RALGDS: variants seen among roughly 807,000 people sequenced by gnomAD.
RALGDS encodes ral guanine nucleotide dissociation stimulator, also known as ral guanine nucleotide exchange factor.
A neutral mutation model predicts 99.8 loss-of-function variants in RALGDS; 44 were observed. The ratio of observed to expected loss-of-function variants is 0.44; its 90% CI spans 0.35 to 0.57. RALGDS has a LOEUF of 0.57. RALGDS is among the 20% of genes least tolerant of loss of function. The pLI is 0.01. For missense variants in RALGDS, 1,022 were observed against 1,203.1 expected (o/e 0.85, Z 2.23); for synonymous variants, 529 against 505.0 (o/e 1.05, Z -0.64).
intron 1 of RALGDS, among the ~76,000 whole-genome samples, chr9:133,146,971 G>C (rs1448593890): frequency 6.6e-6 from 1 of 152,220 alleles, no homozygotes. Context: ...TGAGACCTGG[G>C]GGCAGAGGCA....
chr9:133,119,451 G>A (rs1459783624), intron 1 of RALGDS, among the ~76,000 whole-genome samples: 2 of 152,162 alleles, frequency 1.3e-5, no homozygotes, highest in East Asian at 3.9e-4. Flanking sequence ...CTGGATCTCA[G>A]TGCTGAGGCT....
intron 2 of RALGDS, among the ~76,000 whole-genome samples, chr9:133,111,665 T>A (rs1831349506): frequency 6.6e-6 from 1 of 152,168 alleles, no homozygotes; most frequent in South Asian, 2.1e-4. Flanking sequence ...GGCTCCAGCC[T>A]CCCTTCTGGA....
chr9:133,106,703 A>C lies in RALGDS; in HGVS notation c.1459T>G (p.Ser487Ala). 6.2e-7 allele frequency: 1 copy of C among 1,612,860 alleles called. No individual in the cohort carries two copies. Among genetic ancestry groups the C allele is most frequent in the Non-Finnish European group, 8.5e-7 (1 of 1,179,572 alleles). Residue 487 changes from serine to alanine, a missense_variant, in exon 8 of 18, where the codon TCT becomes GCT. Physicochemically the swap from Ser to Ala is moderately conservative, Grantham distance 99. This residue lies in a region of RALGDS where 825 missense variants were observed against 994.5 expected (regional missense o/e 0.83). Coordinates refer to ENST00000372050, the MANE Select transcript of RALGDS (RefSeq NM_006266.4). Reference sequence around the variant, plus strand: ...TGGATGGAGTTGCTCTGCAGGGCAGAGAGGATGGCATACAGTGACGAGAAG... The same window carrying C: ...TGGATGGAGTTGCTCTGCAGGGCAGCGAGGATGGCATACAGTGACGAGAAG... ...KNFSSLYAILSALQSNSIHRL... is the reference protein window; with the variant it reads ...KNFSSLYAILAALQSNSIHRL...
In RALGDS at chr9:133,102,455, C is replaced by T. The variant is rs759715139; in HGVS notation, c.2009+21G>A. 1.9e-6 allele frequency: 3 copies of T among 1,610,314 alleles called. No individual in the cohort carries two copies. In the South Asian group the frequency reaches 3.3e-5, roughly 18 times the overall value. ...TGAGCCCCAAGGCAGCTGCCCCTAC[C>T]ACCCTTGGCCAGGCCCTTACTCGCT... On this transcript the variant is annotated intron_variant, in intron 14 of 17. Coordinates refer to ENST00000372050, the MANE Select transcript of RALGDS (RefSeq NM_006266.4).
Position 133,105,969 on chromosome 9 carries a change from T to C in RALGDS, c.1565A>G (p.Glu522Gly). The C allele has an allele frequency of 6.2e-7, 1 of 1,605,188 alleles. No homozygotes were observed. Among genetic ancestry groups the C allele is most frequent in the Non-Finnish European group, 8.5e-7 (1 of 1,177,052 alleles). The change falls in exon 9 of 18, where the codon GAG becomes GGG. Residue 522 changes from glutamate (E) to glycine (G), a missense_variant. Coordinates refer to ENST00000372050, the MANE Select transcript of RALGDS (RefSeq NM_006266.4). ...CTCCCGGCTCAATGAGTAGTTGTTCTCATCTGAGAAGATCTCTGACAGCTT... is the reference window on the plus strand; with the variant it reads ...CTCCCGGCTCAATGAGTAGTTGTTCCCATCTGAGAAGATCTCTGACAGCTT... ...FQKLSEIFSD[E>G]NNYSLSRELL...
At chr9:133,107,913 C>T in intron 6 of RALGDS, 75 bp downstream of exon 6, 1 of 1,563,476 alleles carries the variant, frequency 6.4e-7, no homozygotes, top group East Asian at 2.2e-5. Context: ...TCTGGATCAG[C>T]AAATGGTAGG....
chr9:133,106,544 G>T, intron 8 of RALGDS, 101 bp downstream of exon 8: 1 of 889,150 alleles, frequency 1.1e-6, no homozygotes, highest in South Asian at 1.4e-5. Flanking sequence ...AAGGGTCCCT[G>T]CCCTCAGGGT....
Position 133,121,032 on chromosome 9 carries a change from G to C in RALGDS, c.123C>G (p.Asp41Glu). The C allele has an allele frequency of 1.3e-6, 2 of 1,495,778 alleles. No individual in the cohort carries two copies. Among genetic ancestry groups the C allele is most frequent in the Non-Finnish European group, 8.9e-7 (1 of 1,128,992 alleles). 92.7% of individuals were successfully genotyped at this position (1,495,778 alleles called of 1,614,324 possible). A position where few individuals can be genotyped will look rare whatever the true frequency, so the allele number is the denominator to read the frequency against. Residue 41 changes from aspartate to glutamate, a missense_variant, in exon 1 of 18, where the codon GAC becomes GAG. Transcript: ENST00000372050. ...AGCTGTGCAGCACCACCGGGCAGCT[G>C]TCGGGGACGCCCACCTCCAGGCGCA... Reference protein sequence around the residue: ...DAVRLEVGVPDSCPVVLHSFT... With the variant: ...DAVRLEVGVPESCPVVLHSFT...
rs1451062675 is a variant in RALGDS, at chr9:133,101,942, T to C, written c.2207A>G (p.Lys736Arg). The C allele has an allele frequency of 6.4e-7, 1 of 1,551,130 alleles. No individual in the cohort carries two copies. The highest frequency in any genetic ancestry group is 1.2e-5 in the South Asian group (1 of 84,074). ...GGGAGAAGGGCAGGCAGTCACCTTC[T>C]TTTCCTGGCCATCAGGAGACTCCGG... ...FVPESPDGQE[K>R]KFWESASQSS... Residue 736 changes from lysine to arginine, a missense_variant, in exon 15 of 18, where the codon AAG (lysine) becomes AGG (arginine). Lys to Arg is a conservative substitution (Grantham distance 26, BLOSUM62 2). This residue lies in a region of RALGDS where 825 missense variants were observed against 994.5 expected (regional missense o/e 0.83). Coordinates refer to ENST00000372050, the MANE Select transcript of RALGDS (RefSeq NM_006266.4).
chr9:133,129,487 G>C, intron 1 of RALGDS: 1 of 1,365,830 alleles, frequency 7.3e-7, no homozygotes, highest in Non-Finnish European at 9.4e-7. Context: ...ATTCCCGCTT[G>C]TACCAGGCCA....
intron 2 of RALGDS, among the ~76,000 whole-genome samples, chr9:133,110,946 T>TG (rs11394142): frequency 0.029 from 4,444 of 152,190 alleles, 238 homozygotes; most frequent in African/African-American, 0.099. Flanking sequence ...CCAGGTGTGG[T>TG]GGTCCCAGCT....
chr9:133,102,085 G>A lies in RALGDS; in HGVS notation c.2064C>T (p.Ser688=), dbSNP rs925942592. ...AGGGGCCACACCTGAGCTGGTCACA[G>A]GACTTGGAGTGGGAGCTGCCACTGG... is the stretch of plus-strand genomic sequence containing the variant. ...LSTSGSSHSK[S]CDQLRCGPYL... Residue 688 remains serine (S), a synonymous_variant, in exon 15 of 18, where the codon TCC becomes TCT. Transcript: ENST00000372050. 1 of 1,573,634 alleles carries A rather than the reference G, an allele frequency of 6.4e-7. No individual in the cohort carries two copies. The highest frequency in any genetic ancestry group is 8.6e-7 in the Non-Finnish European group (1 of 1,159,168).
intron 12 of RALGDS, 23 bp downstream of exon 12, chr9:133,103,207 C>T (rs201553795): frequency 6.1e-5 from 99 of 1,613,704 alleles, no homozygotes; most frequent in Middle Eastern, 1.6e-4. Context: ...CTCCCCAAGT[C>T]AGGGCTGCCT....
chr9:133,140,545 G>A (rs1446203934), intron 1 of RALGDS, among the ~76,000 whole-genome samples: 1 of 152,134 alleles, frequency 6.6e-6, no homozygotes, highest in East Asian at 1.9e-4. Flanking sequence ...TAGAAAGAGG[G>A]AAGGACTGGG....
At position 133,104,414 on chromosome 9, in the gene RALGDS, C is replaced by A; in HGVS notation, c.1603-83G>T. 4.6e-6 allele frequency: 6 copies of A among 1,317,998 alleles called. No individual in the cohort carries two copies. In the South Asian group the frequency reaches 5.9e-5, roughly 13 times the overall value. The allele number at this position is 1,317,998 out of a possible 1,614,324, so 81.6% of individuals were successfully genotyped here. On this transcript the variant is annotated intron_variant, in intron 9 of 17. Coordinates refer to ENST00000372050, the MANE Select transcript of RALGDS (RefSeq NM_006266.4). ...TGACCTGGGGTGCTGCCAGTGTGGT[C>A]GGGTTCCAGGGCTGACCCTGTATCA... is the stretch of plus-strand genomic sequence containing the variant.
intron 16 of RALGDS, chr9:133,101,145 C>T (rs1258599102): frequency 6.0e-6 from 7 of 1,165,632 alleles, no homozygotes; most frequent in Non-Finnish European, 6.4e-6. Flanking sequence ...AACACCCCTG[C>T]GGCTCTGGTA....
rs752074040 is a variant in RALGDS at position 133,098,712 on chromosome 9, C to T, written c.2620G>A (p.Ala874Thr). 87 of 1,613,926 alleles carry T rather than the reference C, an allele frequency of 5.4e-5. No homozygotes were observed. Among genetic ancestry groups the T allele is most frequent in the Non-Finnish European group, 6.4e-5 (75 of 1,179,998 alleles). Reference protein sequence around the residue: ...ANVFYAMNSTANYDFVLKKRT... With the variant: ...ANVFYAMNSTTNYDFVLKKRT... ...TTCTTGAGGACAAAGTCATAGTTGG[C>T]GGTAGAGTTCATGGCATAGAAGACG... is the stretch of plus-strand genomic sequence containing the variant. Residue 874 changes from alanine (A) to threonine (T), a missense_variant, in exon 18 of 18, where the codon GCC becomes ACC. Coordinates refer to ENST00000372050, the MANE Select transcript of RALGDS (RefSeq NM_006266.4).
At chr9:133,103,393 C>T in intron 11 of RALGDS, 131 bp from the exon 12 acceptor site, 1 of 1,173,786 alleles carries the variant, frequency 8.5e-7, no homozygotes, top group Non-Finnish European at 1.3e-6. Flanking sequence ...GAAGCCGGTG[C>T]TGGGCACCAG....
chr9:133,104,228 G>GC (rs765547955), intron 10 of RALGDS, 35 bp downstream of exon 10: 9 of 1,587,358 alleles, frequency 5.7e-6, no homozygotes, highest in Middle Eastern at 3.7e-4. Flanking sequence ...CCCCAGGCCA[G>GC]CCCCCTGCCC....
Sources: allele counts gnomAD v4.1 joint callset (sites outside exome capture counted in the v4.1 genomes callset), GRCh38; gene constraint gnomAD v4.1.1; regional missense constraint gnomAD v4.1.1; transcripts MANE v1.5; gene names NCBI Gene and HGNC (gene_info 2026-07-23, HGNC 2026-07-21).